Variants in CCSER2 observed in about 807,000 individuals in gnomAD.
CCSER2 encodes the protein coiled-coil serine rich protein 2.
CCSER2 carries 46 observed loss-of-function variants against 92.3 expected under a neutral mutation model. The ratio of observed to expected loss-of-function variants is 0.50; its 90% CI spans 0.39 to 0.64. The LOEUF (loss-of-function observed/expected upper bound fraction) is 0.64. Ranked by LOEUF, CCSER2 falls within the 30% of genes least tolerant of loss-of-function variation. CCSER2 has a pLI of 0.00. For synonymous variants in CCSER2, 433 were observed against 431.4 expected (o/e 1.00, Z -0.04); for missense variants, 1,244 against 1,238.9 (o/e 1.00, Z -0.06).
intron 6 of CCSER2, among the ~76,000 whole-genome samples, chr10:84,458,635 A>C (rs1845916327): frequency 1.3e-5 from 2 of 152,190 alleles, no homozygotes; most frequent in African/African-American, 2.4e-5. Context: ...TTGATATCTC[A>C]ACAATATTTA....
intron 8 of CCSER2, chr10:84,473,279 A>T (rs1161911650): frequency 6.6e-6 from 1 of 152,174 alleles, no homozygotes; most frequent in African/African-American, 2.4e-5. Context: ...GCTGTGGTGT[A>T]TTCAGCTAGA....
rs1848302286 is a variant in CCSER2 at position 84,493,867 on chromosome 10, A to T, written c.2325+16203A>T. On this transcript the variant is annotated intron_variant, in intron 9 of 9. Transcript: ENST00000372088. The stretch of plus-strand genomic sequence containing the variant: ...ATTATACAACTCACCATAATGTGGA[A>T]TCAGTGGGAGCCCTGAGCTTATTTT... 2.0e-5 allele frequency among the ~76,000 whole-genome samples: 3 copies of T among 152,190 alleles called. No individual in the cohort carries two copies. In the South Asian group the frequency reaches 6.2e-4, roughly 32 times the overall value.
At chr10:84,441,734 ATGTTTTTTTT>A (rs1225576267) in intron 6 of CCSER2, among the ~76,000 whole-genome samples, 4,601 of 106,174 alleles carry the variant, frequency 0.043, 310 homozygotes, top group Non-Finnish European at 0.057. Flanking sequence ...GACTGGGAAA[ATGTTTTTTTT>A]TTTTTTTTTT....
chr10:84,426,013 A>G (rs1843416892), intron 5 of CCSER2, 120 bp downstream of exon 5: 1 of 554,552 alleles, frequency 1.8e-6, no homozygotes, highest in Non-Finnish European at 2.9e-6. Flanking sequence ...AGGCACCAAA[A>G]AGCACTTCAA....
chr10:84,336,835 C>G (rs1843864038), intron 1 of CCSER2, among the ~76,000 whole-genome samples: 1 of 145,814 alleles, frequency 6.9e-6, no homozygotes, highest in South Asian at 2.1e-4. Flanking sequence ...CAGCAGTAAT[C>G]CTAAGTGGGA....
At chr10:84,421,235 A>G (rs1392753409) in intron 4 of CCSER2, among the ~76,000 whole-genome samples, 3 of 152,170 alleles carry the variant, frequency 2.0e-5, no homozygotes, top group Non-Finnish European at 4.4e-5. Flanking sequence ...TGTTTTCTGG[A>G]CTTTCGTGAG....
chr10:84,435,957 A>G (rs1217312993), intron 5 of CCSER2, among the ~76,000 whole-genome samples: 1 of 135,108 alleles, frequency 7.4e-6, no homozygotes, highest in African/African-American at 2.5e-5. Context: ...GAGACTGACA[A>G]AGACTACTCA....
At chr10:84,400,611 C>T (rs1389734169) in intron 3 of CCSER2, among the ~76,000 whole-genome samples, 2 of 151,990 alleles carry the variant, frequency 1.3e-5, no homozygotes, top group Non-Finnish European at 2.9e-5. Context: ...TTTCTTTCAC[C>T]ATTTTAAAAG....
Position 84,391,515 on chromosome 10 carries a change from G to C in CCSER2, c.1614+17700G>C, listed in dbSNP as rs571382802. The C allele has an allele frequency of 8.6e-6, 13 of 1,517,482 alleles. No homozygotes were observed. In the African/African-American group the frequency reaches 1.4e-4, roughly 16 times the overall value. The allele number at this position is 1,517,482 out of a possible 1,614,324, so 94.0% of individuals were successfully genotyped here. A position where few individuals can be genotyped will look rare whatever the true frequency, so the allele number is the denominator to read the frequency against. ...ATAGCTGATTTCATGCCAATACTGGGAATCAACCCAAATCCAGAATTCATT... is the reference window on the plus strand; with the variant it reads ...ATAGCTGATTTCATGCCAATACTGGCAATCAACCCAAATCCAGAATTCATT... On this transcript the variant is annotated intron_variant, in intron 3 of 9. Transcript: ENST00000372088.
chr10:84,345,814 A>G (rs1413960608), intron 1 of CCSER2, among the ~76,000 whole-genome samples: 1 of 152,176 alleles, frequency 6.6e-6, no homozygotes, highest in Non-Finnish European at 1.5e-5. Context: ...ATTTTATAAA[A>G]TTATAATGAT....
chr10:84,373,067 T>A (rs1283188459), intron 2 of CCSER2, among the ~76,000 whole-genome samples: 6 of 152,126 alleles, frequency 3.9e-5, no homozygotes, highest in Non-Finnish European at 1.5e-5. Flanking sequence ...GTATTTGGTA[T>A]TTGTATGCCC....
chr10:84,425,161 G>T (rs1843362574), intron 4 of CCSER2: 2 of 985,116 alleles, frequency 2.0e-6, no homozygotes, highest in Non-Finnish European at 2.4e-6. Context: ...TGTTTTCAGT[G>T]GCATTTTAGA....
At chr10:84,446,387 T>G (rs1205184989) in intron 6 of CCSER2, among the ~76,000 whole-genome samples, 1 of 152,194 alleles carries the variant, frequency 6.6e-6, no homozygotes, top group East Asian at 1.9e-4. Flanking sequence ...AATTTTTCCC[T>G]CACATAATTC....
At chr10:84,337,153 G>A (rs1039357334) in intron 1 of CCSER2, among the ~76,000 whole-genome samples, 4 of 152,300 alleles carry the variant, frequency 2.6e-5, no homozygotes, top group South Asian at 2.1e-4. Context: ...TAAATTTGCA[G>A]TTATTAGCAG....
chr10:84,480,853 T>C lies in CCSER2; in HGVS notation c.2325+3189T>C, dbSNP rs563669457. On this transcript the variant is annotated intron_variant, in intron 9 of 9. Coordinates refer to ENST00000372088, the MANE Select transcript of CCSER2 (RefSeq NM_001284240.2). ...ATGTTGTATATGTGGCATTTTAACC[T>C]ACGTAGGTAGTGGTGATGGTGGTTG... Among the ~76,000 whole-genome samples, 4 of 152,376 alleles carry C rather than the reference T, an allele frequency of 2.6e-5. No homozygotes were observed. The East Asian group carries it at 7.7e-4, about 29-fold the overall frequency.
At chr10:84,476,964 C>G (rs1212728730) in intron 8 of CCSER2, among the ~76,000 whole-genome samples, 10 of 152,150 alleles carry the variant, frequency 6.6e-5, no homozygotes, top group African/African-American at 2.4e-4. Flanking sequence ...CTTCATCACA[C>G]TGCACATGAG....
At chr10:84,472,018 A>G (rs1846835000) in intron 8 of CCSER2, among the ~76,000 whole-genome samples, 1 of 152,066 alleles carries the variant, frequency 6.6e-6, no homozygotes, top group South Asian at 2.1e-4. Flanking sequence ...CTTTAAAGTA[A>G]TTAGTAGGTT....
At chr10:84,457,315 A>AAAT (rs1845753025) in intron 6 of CCSER2, among the ~76,000 whole-genome samples, 3 of 59,328 alleles carry the variant, frequency 5.1e-5, no homozygotes, top group South Asian at 4.6e-4. Flanking sequence ...TGTTATATAT[A>AAAT]ATATATTATA....
intron 7 of CCSER2, among the ~76,000 whole-genome samples, chr10:84,466,802 C>T (rs989367939): frequency 2.0e-5 from 3 of 152,186 alleles, no homozygotes; most frequent in East Asian, 1.9e-4. Context: ...CGTAAGCCAC[C>T]GCGCCCGGCC....
Sources: gnomAD v4.1 joint callset for allele counts (sites outside exome capture counted in the v4.1 genomes callset) on GRCh38, gnomAD v4.1.1 for gene constraint, MANE v1.5 for transcripts, NCBI Gene and HGNC (gene_info 2026-07-23, HGNC 2026-07-21) for gene names.